The following MPDZ variants were observed in gnomAD, a reference collection of about 807,000 sequenced individuals.
MPDZ encodes the protein multiple PDZ domain protein.
In MPDZ, 234 loss-of-function variants were observed where a neutral mutation model predicts 239.1. The observed-to-expected ratio is 0.98, with a 90% CI of 0.88 to 1.09. MPDZ has a LOEUF of 1.09. Ranked by LOEUF, MPDZ falls within the 50% of genes least tolerant of loss-of-function variation. The pLI is 0.00. For missense variants in MPDZ, 3,175 were observed against 2,510.0 expected, an observed-to-expected ratio of 1.26 and a Z score of -5.66; for synonymous variants, 1,048 against 881.3, an observed-to-expected ratio of 1.19 and a Z score of -3.35.
chr9:13,179,945 T>C (rs894754893), intron 19 of MPDZ, among the ~76,000 whole-genome samples: 2 of 152,066 alleles, frequency 1.3e-5, no homozygotes, highest in African/African-American at 2.4e-5. Flanking sequence ...AAAAATAGAT[T>C]GCAACCAAAG....
intron 1 of MPDZ, among the ~76,000 whole-genome samples, chr9:13,253,628 T>C (rs772978463): frequency 2.6e-5 from 4 of 152,320 alleles, no homozygotes; most frequent in Non-Finnish European, 4.4e-5. Context: ...GTGATAACAG[T>C]GGGTCATGGC....
At chr9:13,254,735 G>A (rs1411417022) in intron 1 of MPDZ, among the ~76,000 whole-genome samples, 2 of 152,258 alleles carry the variant, frequency 1.3e-5, no homozygotes, top group East Asian at 3.9e-4. Context: ...TAAATGTGCA[G>A]TAGCATTATG....
chr9:13,136,324 T>TTTTTTTTG, intron 30 of MPDZ, 142 bp from the exon 31 acceptor site: 1 of 401,060 alleles, frequency 2.5e-6, no homozygotes, highest in South Asian at 3.8e-5. Flanking sequence ...ACAAACGTTT[T>TTTTTTTTG]CTTTTTTTTT....
intron 41 of MPDZ, among the ~76,000 whole-genome samples, chr9:13,113,646 C>A (rs1942880575): frequency 6.6e-6 from 1 of 151,712 alleles, no homozygotes; most frequent in Non-Finnish European, 1.5e-5. Context: ...ACATTAAACA[C>A]AGAAAAGGAA....
At chr9:13,164,575 T>C (rs546082532) in intron 22 of MPDZ, among the ~76,000 whole-genome samples, 1 of 152,184 alleles carries the variant, frequency 6.6e-6, no homozygotes, top group Non-Finnish European at 1.5e-5. Flanking sequence ...ACGAAGTCTT[T>C]AATTTTTTAT....
At chr9:13,219,028 C>G (rs1958717100) in intron 8 of MPDZ, among the ~76,000 whole-genome samples, 1 of 151,896 alleles carries the variant, frequency 6.6e-6, no homozygotes, top group South Asian at 2.1e-4. Context: ...CTACTTATTA[C>G]AAATCTGATA....
intron 21 of MPDZ, among the ~76,000 whole-genome samples, chr9:13,174,862 A>G (rs1340165378): frequency 6.6e-6 from 1 of 152,200 alleles, no homozygotes; most frequent in African/African-American, 2.4e-5. Context: ...CATCAAATGG[A>G]ACAAAATCTT....
At chr9:13,158,246 T>C in intron 23 of MPDZ, 136 bp from the exon 24 acceptor site, 1 of 648,744 alleles carries the variant, frequency 1.5e-6, no homozygotes, top group Non-Finnish European at 2.6e-6. Context: ...AAGTATAAAA[T>C]ATTTTTACAT....
At chr9:13,169,655 C>CA (rs201823580) in intron 21 of MPDZ, among the ~76,000 whole-genome samples, 292 of 150,618 alleles carry the variant, frequency 1.9e-3, no homozygotes, top group African/African-American at 6.5e-3. Context: ...GAGGCCATTA[C>CA]AAAAAAAAAG....
intron 15 of MPDZ, among the ~76,000 whole-genome samples, chr9:13,191,373 T>G (rs1203961185): frequency 1.3e-5 from 2 of 152,180 alleles, no homozygotes; most frequent in African/African-American, 4.8e-5. Context: ...TAAATGAGAT[T>G]TGACTGGACC....
intron 1 of MPDZ, among the ~76,000 whole-genome samples, chr9:13,252,905 C>T (rs1046889830): frequency 3.9e-5 from 6 of 152,140 alleles, no homozygotes; most frequent in Admixed American, 6.5e-5. Flanking sequence ...ACTAGCTATA[C>T]GCCCTTGTTA....
chr9:13,253,216 C>T (rs1232466862), intron 1 of MPDZ, among the ~76,000 whole-genome samples: 6 of 68,216 alleles, frequency 8.8e-5, no homozygotes, highest in African/African-American at 2.8e-4. Context: ...CCAAAAAATA[C>T]ACAAAGGTTA....
intron 1 of MPDZ, among the ~76,000 whole-genome samples, chr9:13,277,593 C>T (rs935379622): frequency 7.4e-4 from 113 of 152,122 alleles, no homozygotes; most frequent in African/African-American, 2.3e-3. Context: ...GAGTCAGAGT[C>T]TCGCTCTGTC....
intron 2 of MPDZ, among the ~76,000 whole-genome samples, chr9:13,249,038 T>C (rs958347367): frequency 8.0e-6 from 1 of 124,486 alleles, no homozygotes; most frequent in Non-Finnish European, 1.7e-5. Context: ...ATACTTTCTA[T>C]AGCACCAAAT....
chr9:13,233,468 C>T (rs779884486), intron 3 of MPDZ, among the ~76,000 whole-genome samples: 16 of 151,954 alleles, frequency 1.1e-4, no homozygotes, highest in Admixed American at 4.6e-4. Flanking sequence ...TACTTATCTC[C>T]GAGATAAAGT....
intron 1 of MPDZ, among the ~76,000 whole-genome samples, chr9:13,277,853 T>G (rs373610048): frequency 6.6e-6 from 1 of 152,160 alleles, no homozygotes; most frequent in Non-Finnish European, 1.5e-5. Context: ...GCGTGAGCCA[T>G]TGCGCCTGGC....
In MPDZ at chr9:13,279,496, C is replaced by G. The variant is rs1975197657; in HGVS notation, c.-154G>C. 6.8e-6 allele frequency: 1 copy of G among 146,022 alleles called. No individual in the cohort carries two copies. The highest frequency in any genetic ancestry group is 2.5e-5 in the African/African-American group (1 of 40,322). 9.0% of individuals were successfully genotyped at this position (146,022 alleles called of 1,614,324 possible). A position where few individuals can be genotyped will look rare whatever the true frequency, so the allele number is the denominator to read the frequency against. On this transcript the variant is annotated 5_prime_UTR_variant, in exon 1 of 47. Coordinates refer to ENST00000319217, the MANE Select transcript of MPDZ (RefSeq NM_001378778.1). The stretch of plus-strand genomic sequence containing the variant: ...CTCTGGATGCCTCGCCTCGCCCACG[C>G]TCACTGTCTTCTCTTCTGAAGTAAC...
chr9:13,242,005 GA>G (rs1033436027), intron 3 of MPDZ, among the ~76,000 whole-genome samples: 11 of 150,796 alleles, frequency 7.3e-5, no homozygotes, highest in Non-Finnish European at 1.0e-4. Context: ...TTGAGCATCA[GA>G]AAAAAAAATT....
chr9:13,141,519 T>A (rs1947680310), intron 27 of MPDZ, among the ~76,000 whole-genome samples: 2 of 152,134 alleles, frequency 1.3e-5, no homozygotes, highest in Non-Finnish European at 2.9e-5. Context: ...CTATATATCT[T>A]TATTTTACTT....
Sources: gnomAD v4.1 joint callset for allele counts (sites outside exome capture counted in the v4.1 genomes callset) on GRCh38, gnomAD v4.1.1 for gene constraint, MANE v1.5 for transcripts, NCBI Gene and HGNC (gene_info 2026-07-23, HGNC 2026-07-21) for gene names.